NDST3: variants seen among roughly 807,000 people sequenced by gnomAD.
NDST3 encodes the protein bifunctional heparan sulfate N-deacetylase/N-sulfotransferase 3.
NDST3 carries 58 observed loss-of-function variants against 96.1 expected under a neutral mutation model. The observed-to-expected ratio is 0.60, with a 90% confidence interval of 0.49 to 0.75. The LOEUF (loss-of-function observed/expected upper bound fraction) is 0.75. NDST3 is among the 30% of genes least tolerant of loss of function. The probability of loss-of-function intolerance (pLI) is 0.00; values close to 1 mark genes in which losing one functional copy is unlikely to be tolerated. For synonymous variants in NDST3, 333 were observed against 359.7 expected, an observed-to-expected ratio of 0.93 and a Z score of 0.84; for missense variants, 788 against 1,034.2, an observed-to-expected ratio of 0.76 and a Z score of 3.27.
At chr4:118,068,417 T>C (rs540148692) in intron 2 of NDST3, among the ~76,000 whole-genome samples, 5 of 152,106 alleles carry the variant, frequency 3.3e-5, no homozygotes, top group Non-Finnish European at 7.4e-5. Context: ...TTTAAAGAAA[T>C]GGTTCAAGAA....
chr4:118,226,838 G>T, intron 7 of NDST3, 48 bp from the exon 8 acceptor site: 1 of 1,307,234 alleles, frequency 7.6e-7, no homozygotes, highest in South Asian at 1.3e-5. Flanking sequence ...GCACACAATG[G>T]ACACATTCAT....
At chr4:118,060,131 G>A (rs1725776945) in intron 2 of NDST3, among the ~76,000 whole-genome samples, 1 of 151,920 alleles carries the variant, frequency 6.6e-6, no homozygotes. Context: ...TTTTTGGGGG[G>A]TGAGGGAATG....
intron 2 of NDST3, among the ~76,000 whole-genome samples, chr4:118,083,983 G>A (rs1728218574): frequency 6.6e-6 from 1 of 152,058 alleles, no homozygotes; most frequent in South Asian, 2.1e-4. Flanking sequence ...GAGAACAATA[G>A]GTTCACAGTG....
intron 6 of NDST3, among the ~76,000 whole-genome samples, chr4:118,183,145 G>A (rs181584201): frequency 9.2e-5 from 14 of 152,224 alleles, no homozygotes; most frequent in Admixed American, 2.0e-4. Context: ...TCCACCAGAC[G>A]ACACTACAGG....
chr4:118,249,231 C>T (rs1315165406), intron 12 of NDST3, among the ~76,000 whole-genome samples: 1 of 152,132 alleles, frequency 6.6e-6, no homozygotes, highest in Non-Finnish European at 1.5e-5. Context: ...GTTCCAGTTA[C>T]GTTATCTACA....
chr4:118,193,834 G>C (rs1483938709), intron 6 of NDST3: 1 of 1,366,354 alleles, frequency 7.3e-7, no homozygotes, highest in Non-Finnish European at 1.0e-6. Context: ...CCAGTTGAAG[G>C]GCCTGTGCCT....
chr4:118,192,671 T>C lies in NDST3; in HGVS notation c.1540-31820T>C, dbSNP rs191871146. On this transcript the variant is annotated intron_variant, in intron 6 of 13. Coordinates refer to ENST00000296499, the MANE Select transcript of NDST3 (RefSeq NM_004784.3). ...CTGTTTTAATGCCAACAACATGCTG[T>C]TTTGGTTACTACAGATCTGTAGTAT... Among the ~76,000 whole-genome samples the C allele has an allele frequency of 9.9e-5, 15 of 152,216 alleles. No homozygotes were observed. The East Asian group carries it at 2.9e-3, about 29-fold the overall frequency.
chr4:118,091,049 G>C (rs549042635), intron 2 of NDST3, among the ~76,000 whole-genome samples: 1 of 151,284 alleles, frequency 6.6e-6, no homozygotes, highest in Admixed American at 6.6e-5. Flanking sequence ...GTGACAGAGA[G>C]AGACTCCATC....
chr4:118,102,711 G>A (rs1729863450), intron 2 of NDST3, among the ~76,000 whole-genome samples: 1 of 152,004 alleles, frequency 6.6e-6, no homozygotes, highest in Non-Finnish European at 1.5e-5. Context: ...TTTTTAAAAG[G>A]TGGGAATAAT....
At chr4:118,085,726 C>T (rs1429075286) in intron 2 of NDST3, among the ~76,000 whole-genome samples, 2 of 152,186 alleles carry the variant, frequency 1.3e-5, no homozygotes, top group East Asian at 1.9e-4. Context: ...TTTTTGCTTG[C>T]TTTGCCCTCT....
chr4:118,086,849 G>A (rs1037130294), intron 2 of NDST3, among the ~76,000 whole-genome samples: 1 of 152,086 alleles, frequency 6.6e-6, no homozygotes, highest in African/African-American at 2.4e-5. Flanking sequence ...ATTAAGGGGA[G>A]AATGTGGACT....
In NDST3 at chr4:118,204,570, T is replaced by C. The variant is rs60418385; in HGVS notation, c.1540-19921T>C. On this transcript the variant is annotated intron_variant, in intron 6 of 13. Coordinates refer to ENST00000296499, the MANE Select transcript of NDST3 (RefSeq NM_004784.3). ...CTCTGACTGGCCAAAACTTGGTGAC[T>C]GGCACAAGAGTAGGTTACTGTCTAT... is the stretch of plus-strand genomic sequence containing the variant. 5.6e-3 allele frequency among the ~76,000 whole-genome samples: 814 copies of C among 144,860 alleles called. 111 individuals carry two copies. The highest frequency in any genetic ancestry group is 0.019 in the African/African-American group (750 of 39,294).
intron 6 of NDST3, among the ~76,000 whole-genome samples, chr4:118,151,981 G>C (rs906111885): frequency 3.3e-5 from 5 of 152,128 alleles, no homozygotes; most frequent in Non-Finnish European, 7.3e-5. Context: ...TGTGGTTGTA[G>C]AGAATGTGTC....
rs562127476 is a variant in NDST3 at position 118,066,439 on chromosome 4, C to T, written c.981+11548C>T. ...ATGTTATATATTATATATCATATAT[C>T]ATATGTTATATATTATATATACATT... is the stretch of plus-strand genomic sequence containing the variant. On this transcript the variant is annotated intron_variant, in intron 2 of 13. Coordinates refer to ENST00000296499, the MANE Select transcript of NDST3 (RefSeq NM_004784.3). Among the ~76,000 whole-genome samples the T allele has an allele frequency of 0.029, 37 of 1,274 alleles. 14 individuals carry two copies. The Non-Finnish European group carries it at 0.35, about 12-fold the overall frequency. The allele number at this position is 1,274 out of a possible 152,430, so 0.8% of individuals were successfully genotyped here. A position where few individuals can be genotyped will look rare whatever the true frequency, so the allele number is the denominator to read the frequency against.
intron 3 of NDST3, among the ~76,000 whole-genome samples, chr4:118,112,511 G>C (rs1730720104): frequency 6.6e-6 from 1 of 152,144 alleles, no homozygotes; most frequent in Non-Finnish European, 1.5e-5. Context: ...CTCAATGTGA[G>C]AAAATAAAAT....
At chr4:118,174,136 G>A (rs1333748155) in intron 6 of NDST3, among the ~76,000 whole-genome samples, 6 of 152,232 alleles carry the variant, frequency 3.9e-5, no homozygotes, top group Non-Finnish European at 5.9e-5. Flanking sequence ...TGTTCTCTGC[G>A]GTCTTCCCAT....
intron 6 of NDST3, among the ~76,000 whole-genome samples, chr4:118,183,113 G>A (rs189477195): frequency 6.6e-6 from 1 of 152,246 alleles, no homozygotes; most frequent in Non-Finnish European, 1.5e-5. Context: ...AAGAAGAGAT[G>A]AGAAAATTTT....
At chr4:118,075,467 C>T (rs1727447671) in intron 2 of NDST3, among the ~76,000 whole-genome samples, 1 of 152,186 alleles carries the variant, frequency 6.6e-6, no homozygotes, top group Admixed American at 6.5e-5. Flanking sequence ...CTTGAGGAAT[C>T]ACCACACTGT....
intron 4 of NDST3, among the ~76,000 whole-genome samples, chr4:118,120,950 C>T (rs976029866): frequency 6.6e-6 from 1 of 152,054 alleles, no homozygotes; most frequent in African/African-American, 2.4e-5. Context: ...CATCATATCA[C>T]ACCTGTGTCT....
Sources: allele counts gnomAD v4.1 joint callset (sites outside exome capture counted in the v4.1 genomes callset), GRCh38; gene constraint gnomAD v4.1.1; transcripts MANE v1.5; gene names NCBI Gene and HGNC (gene_info 2026-07-23, HGNC 2026-07-21).